Variants in CADM2 observed in about 807,000 individuals in gnomAD.
The protein encoded by CADM2 is cell adhesion molecule 2, also known as immunoglobulin superfamily member 4D.
A neutral mutation model predicts 49.8 loss-of-function variants in CADM2; 12 were observed. The ratio of observed to expected loss-of-function variants is 0.24; its 90% CI spans 0.15 to 0.39. The LOEUF (loss-of-function observed/expected upper bound fraction) is 0.39. Ranked by LOEUF, CADM2 falls within the 10% of genes least tolerant of loss-of-function variation. CADM2 has a pLI of 1.00. For missense variants in CADM2, 378 were observed against 492.3 expected (o/e 0.77, Z 2.20); for synonymous variants, 214 against 175.4 (o/e 1.22, Z -1.74).
chr3:85,196,876 C>T (rs2041357062), intron 1 of CADM2, among the ~76,000 whole-genome samples: 1 of 151,942 alleles, frequency 6.6e-6, no homozygotes, highest in African/African-American at 2.4e-5. Flanking sequence ...GACCATCTTG[C>T]TTCAATTCCC....
intron 1 of CADM2, among the ~76,000 whole-genome samples, chr3:85,366,268 T>C (rs1165470225): frequency 6.6e-6 from 1 of 152,168 alleles, no homozygotes; most frequent in Non-Finnish European, 1.5e-5. Flanking sequence ...TTGCCAACTT[T>C]AGGATTTTTT....
intron 1 of CADM2, among the ~76,000 whole-genome samples, chr3:85,700,646 A>G (rs2066725946): frequency 6.6e-6 from 1 of 152,172 alleles, no homozygotes; most frequent in Admixed American, 6.5e-5. Flanking sequence ...TTAAAGTTCC[A>G]TAGATCCTTA....
intron 7 of CADM2, among the ~76,000 whole-genome samples, chr3:85,941,993 G>T (rs1721968247): frequency 6.6e-6 from 1 of 152,092 alleles, no homozygotes; most frequent in Admixed American, 6.6e-5. Context: ...AGAAAAATAA[G>T]TCTTGTTCAA....
chr3:84,968,701 G>A (rs2031193398), intron 1 of CADM2, among the ~76,000 whole-genome samples: 1 of 151,974 alleles, frequency 6.6e-6, no homozygotes, highest in Non-Finnish European at 1.5e-5. Flanking sequence ...ACCCTGAATA[G>A]GGATTGTTCC....
At chr3:85,810,911 T>G (rs1305836066) in intron 3 of CADM2, among the ~76,000 whole-genome samples, 1 of 152,170 alleles carries the variant, frequency 6.6e-6, no homozygotes, top group Non-Finnish European at 1.5e-5. Context: ...TCTTTAAACA[T>G]AAAGAAAATC....
At chr3:85,556,974 ATTAT>A (rs1289418503) in intron 1 of CADM2, among the ~76,000 whole-genome samples, 1 of 152,100 alleles carries the variant, frequency 6.6e-6, no homozygotes, top group Non-Finnish European at 1.5e-5. Context: ...TTTGCTCTGA[ATTAT>A]TGGCTTTATG....
intron 1 of CADM2, among the ~76,000 whole-genome samples, chr3:85,564,751 A>G (rs2062205193): frequency 6.6e-6 from 1 of 152,072 alleles, no homozygotes; most frequent in Admixed American, 6.6e-5. Flanking sequence ...AAATTATAGG[A>G]AAGGAGGAGC....
chr3:85,665,452 T>C (rs1459865606), intron 1 of CADM2, among the ~76,000 whole-genome samples: 2 of 151,982 alleles, frequency 1.3e-5, no homozygotes, highest in Non-Finnish European at 2.9e-5. Flanking sequence ...AGGAACTTAG[T>C]TGTTATTTAA....
At chr3:85,739,661 A>G (rs2068296138) in intron 2 of CADM2, among the ~76,000 whole-genome samples, 2 of 152,214 alleles carry the variant, frequency 1.3e-5, no homozygotes, top group South Asian at 4.1e-4. Flanking sequence ...CCTATGTTGA[A>G]AGATAATAAA....
chr3:85,587,623 C>T (rs1048490215), intron 1 of CADM2, among the ~76,000 whole-genome samples: 2 of 151,992 alleles, frequency 1.3e-5, no homozygotes, highest in Non-Finnish European at 2.9e-5. Flanking sequence ...ATGACTGTCC[C>T]TTTTCATGTT....
intron 1 of CADM2, among the ~76,000 whole-genome samples, chr3:85,047,620 C>T (rs2035717705): frequency 6.6e-6 from 1 of 152,060 alleles, no homozygotes; most frequent in African/African-American, 2.4e-5. Context: ...ATATCTTTAA[C>T]TTTCACAAAT....
chr3:85,344,380 A>AAAATAAATAAATAAAT (rs74850280), intron 1 of CADM2, among the ~76,000 whole-genome samples: 10 of 140,340 alleles, frequency 7.1e-5, no homozygotes, highest in Non-Finnish European at 1.2e-4. Flanking sequence ...ACACCATCTC[A>AAAATAAATAAATAAAT]AAATAAATAA....
chr3:85,455,240 C>A, intron 1 of CADM2, among the ~76,000 whole-genome samples: 1 of 152,178 alleles, frequency 6.6e-6, no homozygotes, highest in East Asian at 1.9e-4. Flanking sequence ...TTTTAAAATT[C>A]TCTTTGAATT....
At chr3:86,030,231 G>A (rs182845142) in intron 8 of CADM2, among the ~76,000 whole-genome samples, 1 of 152,080 alleles carries the variant, frequency 6.6e-6, no homozygotes, top group East Asian at 1.9e-4. Flanking sequence ...TACTTACCCT[G>A]TGAGTTATAG....
chr3:85,011,672 G>C (rs934767464), intron 1 of CADM2, among the ~76,000 whole-genome samples: 1 of 152,098 alleles, frequency 6.6e-6, no homozygotes, highest in Admixed American at 6.5e-5. Flanking sequence ...CAACACAGGA[G>C]GATCGCTCGA....
intron 3 of CADM2, among the ~76,000 whole-genome samples, chr3:85,824,338 G>T (rs1455502607): frequency 1.3e-5 from 2 of 152,086 alleles, no homozygotes; most frequent in East Asian, 3.9e-4. Context: ...GTCATGGATA[G>T]TAAATGGGAG....
intron 1 of CADM2, among the ~76,000 whole-genome samples, chr3:85,639,235 A>C (rs773781966): frequency 6.6e-6 from 1 of 152,232 alleles, no homozygotes; most frequent in South Asian, 2.1e-4. Context: ...ACTTTTATTA[A>C]AATATCATAG....
At chr3:86,053,554 TTGTTCACAAGAACATG>T (rs1301227643) in intron 8 of CADM2, among the ~76,000 whole-genome samples, 2 of 152,232 alleles carry the variant, frequency 1.3e-5, no homozygotes, top group Non-Finnish European at 2.9e-5. Context: ...TTTGGGAAAG[TTGTTCACAAGAACATG>T]TGCTCAGGCA....
At chr3:86,037,209 G>A (rs899402895) in intron 8 of CADM2, among the ~76,000 whole-genome samples, 3 of 151,910 alleles carry the variant, frequency 2.0e-5, no homozygotes, top group African/African-American at 7.3e-5. Flanking sequence ...CCAAGTGTTA[G>A]TTTCACTGAA....
Sources: gnomAD v4.1 joint callset for allele counts (sites outside exome capture counted in the v4.1 genomes callset) on GRCh38, gnomAD v4.1.1 for gene constraint, MANE v1.5 for transcripts, NCBI Gene and HGNC (gene_info 2026-07-23, HGNC 2026-07-21) for gene names.